GALNT18: variants seen among roughly 807,000 people sequenced by gnomAD.
GALNT18 encodes GalNAc-transferase 18.
Under a neutral mutation model 69.5 loss-of-function variants are expected in GALNT18, and 44 were observed. The observed-to-expected ratio is 0.63, with a 90% CI of 0.50 to 0.81. The LOEUF (loss-of-function observed/expected upper bound fraction) is 0.81. Among genes scored for constraint, GALNT18 ranks in the 40% least tolerant of loss-of-function variants. The probability of loss-of-function intolerance (pLI) is 0.00; values close to 1 mark genes in which losing one functional copy is unlikely to be tolerated. For missense variants in GALNT18, 715 were observed against 810.0 expected (o/e 0.88, Z 1.42); for synonymous variants, 364 against 318.2 (o/e 1.14, Z -1.53).
chr11:11,360,436 T>A (rs1002515401), intron 6 of GALNT18, among the ~76,000 whole-genome samples: 1 of 152,266 alleles, frequency 6.6e-6, no homozygotes, highest in Non-Finnish European at 1.5e-5. Flanking sequence ...AAACTCTTTT[T>A]TGAGTAAATG....
rs1427836999 is a variant in GALNT18, at chr11:11,396,582, G to A, written c.596-17318C>T. ...AAAGAAAATGGAAGCCAAGCGTGGG[G>A]ATGATCTCATGGCAATTGCAAAGAT... On this transcript the variant is annotated intron_variant, in intron 3 of 10. Transcript: ENST00000227756. This position sits in a 1 kb window ranked among gnomAD's most constrained non-coding sequence, Gnocchi z 5.2. Among the ~76,000 whole-genome samples the A allele has an allele frequency of 6.6e-6, 1 of 152,174 alleles. No homozygotes were observed. The highest frequency in any genetic ancestry group is 6.5e-5 in the Admixed American group (1 of 15,284).
At chr11:11,558,045 CG>C (rs1858374534) in intron 1 of GALNT18, among the ~76,000 whole-genome samples, 1 of 152,218 alleles carries the variant, frequency 6.6e-6, no homozygotes, top group Non-Finnish European at 1.5e-5. Context: ...GCATCTCTGC[CG>C]CCTGCCTTCA....
chr11:11,317,557 T>C (rs1248040733), intron 9 of GALNT18, among the ~76,000 whole-genome samples: 1 of 152,222 alleles, frequency 6.6e-6, no homozygotes, highest in African/African-American at 2.4e-5. Context: ...TGTCTGTTCA[T>C]GTCCTTTGCC....
intron 1 of GALNT18, among the ~76,000 whole-genome samples, chr11:11,554,031 A>G (rs768692102): frequency 6.6e-6 from 1 of 152,076 alleles, no homozygotes; most frequent in Non-Finnish European, 1.5e-5. Flanking sequence ...CTTCGTAACT[A>G]CAAAAGGGTT....
chr11:11,320,246 T>C lies in GALNT18; in HGVS notation c.1512+6840A>G, dbSNP rs1228424542. ...TTAGGGAGGAATATGTAAGTTTTCA[T>C]AGAAGAGGTCAGAAATACCGTTACC... On this transcript the variant is annotated intron_variant, in intron 9 of 10. Transcript: ENST00000227756. The surrounding 1 kb of genome is among the most constrained non-coding windows in gnomAD (Gnocchi z 4.9). 2.0e-5 allele frequency among the ~76,000 whole-genome samples: 3 copies of C among 152,222 alleles called. No individual in the cohort carries two copies. The highest frequency in any genetic ancestry group is 2.1e-4 in the South Asian group (1 of 4,820).
chr11:11,409,822 T>C (rs569546400), intron 3 of GALNT18, among the ~76,000 whole-genome samples: 2 of 152,200 alleles, frequency 1.3e-5, no homozygotes, highest in African/African-American at 2.4e-5. Context: ...TCAGGTCTTC[T>C]TTCCTCTGTG....
chr11:11,283,136 G>A (rs961378565), intron 10 of GALNT18, among the ~76,000 whole-genome samples: 12 of 152,088 alleles, frequency 7.9e-5, no homozygotes, highest in African/African-American at 2.9e-4. Context: ...AGGGCCTTGT[G>A]GCCACTGAAC....
In GALNT18 at chr11:11,411,723, C is replaced by T. The variant is rs544514972; in HGVS notation, c.595+20898G>A. ...CCTGATTCTTAAATAAACACTTTGC[C>T]GAGGAAGGGCCCTTGAGGAATCCTG... On this transcript the variant is annotated intron_variant, in intron 3 of 10. Transcript: ENST00000227756. Among the ~76,000 whole-genome samples the T allele has an allele frequency of 4.0e-4, 61 of 152,260 alleles. 1 individual carries two copies. In the South Asian group the frequency reaches 0.012, roughly 31 times the overall value.
rs1854479864 is a variant in GALNT18, at chr11:11,402,042, G to T, written c.596-22778C>A. ...ACAAATCCTTCTAGTTAGAGGAATA[G>T]TATGTACCAAAGCAAGAAGAGATGA... On this transcript the variant is annotated intron_variant, in intron 3 of 10. Coordinates refer to ENST00000227756, the MANE Select transcript of GALNT18 (RefSeq NM_198516.3). The surrounding 1 kb of genome is among the most constrained non-coding windows in gnomAD (Gnocchi z 4.0). Among the ~76,000 whole-genome samples, 1 of 152,224 alleles carries T rather than the reference G, an allele frequency of 6.6e-6. No homozygotes were observed. The highest frequency in any genetic ancestry group is 2.1e-4 in the South Asian group (1 of 4,826).
At chr11:11,512,208 G>A (rs769084756) in intron 1 of GALNT18, among the ~76,000 whole-genome samples, 10 of 152,166 alleles carry the variant, frequency 6.6e-5, no homozygotes, top group Non-Finnish European at 1.2e-4. Flanking sequence ...CGTGTCTCCT[G>A]GGCAGGAGTA....
At position 11,614,316 on chromosome 11, in the gene GALNT18, G is replaced by C. The variant is rs1421926093; in HGVS notation, c.235+7043C>G. Among the ~76,000 whole-genome samples, 2 of 151,704 alleles carry C rather than the reference G, an allele frequency of 1.3e-5. No homozygotes were observed. Among genetic ancestry groups the C allele is most frequent in the Non-Finnish European group, 2.9e-5 (2 of 67,950 alleles). On this transcript the variant is annotated intron_variant, in intron 1 of 10. Transcript: ENST00000227756. This position sits in a 1 kb window ranked among gnomAD's most constrained non-coding sequence, Gnocchi z 5.6. ...GGGAAGCAGGTATGTCACATAGTGA[G>C]AGAGGGGTGAGAGAGAGAGGCAAGA...
At chr11:11,279,331 A>C (rs568732569) in intron 10 of GALNT18, among the ~76,000 whole-genome samples, 174 of 152,262 alleles carry the variant, frequency 1.1e-3, no homozygotes, top group Non-Finnish European at 1.9e-3. Context: ...AAATTTCTTA[A>C]AAAAATTTAA....
intron 1 of GALNT18, chr11:11,475,224 T>A (rs972916800): frequency 7.2e-5 from 11 of 152,180 alleles, no homozygotes; most frequent in Non-Finnish European, 1.0e-4. Context: ...TTTCTCTCCA[T>A]GCTTTCTACC....
intron 10 of GALNT18, among the ~76,000 whole-genome samples, chr11:11,273,625 A>G (rs4356218): frequency 0.35 from 53,719 of 152,062 alleles, 10,470 homozygotes; most frequent in Non-Finnish European, 0.45. Context: ...ACTATGGAGA[A>G]CAGTATGGAG....
chr11:11,452,505 C>T (rs1564956752), intron 1 of GALNT18, among the ~76,000 whole-genome samples: 2 of 152,242 alleles, frequency 1.3e-5, no homozygotes, highest in Non-Finnish European at 1.5e-5. Context: ...TTGCCAAGGT[C>T]CCCAGCTCTA....
chr11:11,308,065 T>G (rs886769562), intron 9 of GALNT18, among the ~76,000 whole-genome samples: 12 of 152,158 alleles, frequency 7.9e-5, no homozygotes, highest in African/African-American at 2.9e-4. Context: ...TCATGGAACT[T>G]CCTTATGGCT....
chr11:11,612,550 G>A (rs1859934727), intron 1 of GALNT18, among the ~76,000 whole-genome samples: 2 of 152,196 alleles, frequency 1.3e-5, no homozygotes, highest in South Asian at 4.1e-4. Context: ...TTCGAATCCT[G>A]TCTTGCCAGA....
chr11:11,285,303 TCA>T (rs1264713972), intron 10 of GALNT18, among the ~76,000 whole-genome samples: 1 of 152,196 alleles, frequency 6.6e-6, no homozygotes, highest in African/African-American at 2.4e-5. Flanking sequence ...TCTCCATGCC[TCA>T]GTTTCCTCCT....
chr11:11,437,043 G>A (rs1030817574), intron 2 of GALNT18, among the ~76,000 whole-genome samples: 2 of 152,098 alleles, frequency 1.3e-5, no homozygotes, highest in Non-Finnish European at 2.9e-5. Flanking sequence ...TGCCGCAGCC[G>A]GGACCCTGCC....
Sources: gnomAD v4.1 joint callset for allele counts (sites outside exome capture counted in the v4.1 genomes callset) on GRCh38, gnomAD v4.1.1 for gene constraint, Gnocchi (gnomAD v3.1) non-coding constraint, MANE v1.5 for transcripts, NCBI Gene and HGNC (gene_info 2026-07-23, HGNC 2026-07-21) for gene names.